Variants in LRRC63 observed in about 807,000 individuals in gnomAD.
The protein encoded by LRRC63 is leucine rich repeat containing 63, also known as leucine-rich repeat-containing protein 63.
A neutral mutation model predicts 49.5 loss-of-function variants in LRRC63; 40 were observed. The ratio of observed to expected loss-of-function variants is 0.81; its 90% CI spans 0.63 to 1.05. The LOEUF is 1.05. Among genes scored for constraint, LRRC63 ranks in the 50% least tolerant of loss-of-function variants. The probability of loss-of-function intolerance (pLI) is 0.00; values close to 1 mark genes in which losing one functional copy is unlikely to be tolerated. For missense variants in LRRC63, 636 were observed against 663.1 expected, an observed-to-expected ratio of 0.96 and a Z score of 0.45; for synonymous variants, 191 against 221.1, an observed-to-expected ratio of 0.86 and a Z score of 1.21.
At chr13:46,270,570 G>T (rs759737321) in intron 9 of LRRC63, 12 of 870,886 alleles carry the variant, frequency 1.4e-5, no homozygotes, top group South Asian at 1.3e-4. Flanking sequence ...ACACAAAAAC[G>T]GTATGAAGAA....
chr13:46,263,819 A>G (rs2047646859), intron 8 of LRRC63, among the ~76,000 whole-genome samples: 2 of 152,068 alleles, frequency 1.3e-5, no homozygotes, highest in Admixed American at 1.3e-4. Flanking sequence ...TTCTCCTTTT[A>G]TATTTATCTG....
chr13:46,276,883 C>CAT (rs373729829), exon 10 of LRRC63: 3,127 of 119,392 alleles, frequency 0.026, 136 homozygotes, highest in African/African-American at 0.097. Flanking sequence ...TATATATATT[C>CAT]ATATATATAT....
At chr13:46,236,950 C>T (rs1231635845) in intron 5 of LRRC63, among the ~76,000 whole-genome samples, 1 of 151,988 alleles carries the variant, frequency 6.6e-6, no homozygotes, top group African/African-American at 2.4e-5. Context: ...ATTTTGTGTG[C>T]CATTGGAGTT....
intron 5 of LRRC63, among the ~76,000 whole-genome samples, chr13:46,234,677 A>G (rs1017259494): frequency 3.3e-5 from 5 of 152,204 alleles, no homozygotes; most frequent in African/African-American, 7.2e-5. Context: ...TTCACTGAAC[A>G]CAAGCTCAAT....
At position 46,227,973 on chromosome 13, in the gene LRRC63, G is replaced by T; in HGVS notation, c.547G>T (p.Glu183Ter). 6.4e-7 allele frequency: 1 copy of T among 1,550,866 alleles called. No individual in the cohort carries two copies. Among genetic ancestry groups the T allele is most frequent in the South Asian group, 1.2e-5 (1 of 84,040 alleles). ...GCACCCTAAGCATCAACCTTTACCA[G>T]AGAGTCCAGGCTATACTTATCAGCA... The change falls in exon 3 of 10, where the codon GAG (glutamate) becomes TAG (stop). Residue 183 changes from glutamate to a stop codon, truncating the protein, a stop_gained. Coordinates refer to ENST00000595396, the Ensembl canonical transcript of LRRC63. LOFTEE classifies it high-confidence loss of function.
chr13:46,258,124 C>CTTTTT (rs61630248), intron 7 of LRRC63, among the ~76,000 whole-genome samples: 3 of 100,580 alleles, frequency 3.0e-5, no homozygotes, highest in Admixed American at 1.1e-4. Flanking sequence ...GTGACCTACT[C>CTTTTT]TTTTTTTTTT....
intron 7 of LRRC63, among the ~76,000 whole-genome samples, chr13:46,251,018 G>C (rs547620113): frequency 6.6e-6 from 1 of 151,912 alleles, no homozygotes. Context: ...TTCTTCCCAC[G>C]TATGGACTAG....
intron 9 of LRRC63, 134 bp downstream of exon 9, chr13:46,267,106 T>C (rs2047694285): frequency 3.6e-6 from 3 of 835,284 alleles, no homozygotes; most frequent in Non-Finnish European, 5.3e-6. Flanking sequence ...TACACACAAT[T>C]CTTCAAATCG....
chr13:46,259,840 G>A (rs2035251010), intron 7 of LRRC63, among the ~76,000 whole-genome samples: 1 of 152,144 alleles, frequency 6.6e-6, no homozygotes, highest in South Asian at 2.1e-4. Flanking sequence ...ATTTATATCA[G>A]TGTGGTGGTC....
chr13:46,255,643 C>CAAAAAA lies in LRRC63; in HGVS notation c.1226+5155_1226+5156insAAAAAA, dbSNP rs1445296831. Among the ~76,000 whole-genome samples the CAAAAAA allele has an allele frequency of 1.2e-3, 114 of 95,668 alleles. 3 individuals carry two copies. Among genetic ancestry groups the CAAAAAA allele is most frequent in the African/African-American group, 6.7e-3 (108 of 16,162 alleles). 62.8% of individuals were successfully genotyped at this position (95,668 alleles called of 152,430 possible). On this transcript the variant is annotated intron_variant, in intron 7 of 9. Transcript: ENST00000595396. ...TGGGCAACAGAGTAAGACCCTGCCT[C>CAAAAAA]AAATATATATATATATATATATAGT...
At chr13:46,230,590 C>G (rs2046721933) in intron 4 of LRRC63, among the ~76,000 whole-genome samples, 1 of 152,168 alleles carries the variant, frequency 6.6e-6, no homozygotes, top group African/African-American at 2.4e-5. Context: ...GTCTGATATT[C>G]TATGGGAGGG....
chr13:46,239,273 A>G (rs2046989018), intron 5 of LRRC63, among the ~76,000 whole-genome samples: 1 of 149,132 alleles, frequency 6.7e-6, no homozygotes, highest in South Asian at 2.1e-4. Context: ...GAGAAAATCC[A>G]AATAAACACA....
chr13:46,260,825 G>C (rs1395847202), intron 7 of LRRC63, among the ~76,000 whole-genome samples: 1 of 152,198 alleles, frequency 6.6e-6, no homozygotes, highest in East Asian at 1.9e-4. Flanking sequence ...AGGCAAGCTG[G>C]ACAAGTAGCA....
chr13:46,273,288 T>C (rs1462473884), intron 9 of LRRC63, among the ~76,000 whole-genome samples: 3 of 152,004 alleles, frequency 2.0e-5, no homozygotes, highest in African/African-American at 7.2e-5. Context: ...AAAATAAATA[T>C]TCAGCCAGAA....
At chr13:46,254,640 G>A (rs2047463904) in intron 7 of LRRC63, among the ~76,000 whole-genome samples, 1 of 152,320 alleles carries the variant, frequency 6.6e-6, no homozygotes, top group Admixed American at 6.5e-5. Flanking sequence ...TTGAGAGCAA[G>A]AAGAATAATG....
At chr13:46,253,206 A>G (rs2047428970) in intron 7 of LRRC63, among the ~76,000 whole-genome samples, 1 of 152,014 alleles carries the variant, frequency 6.6e-6, no homozygotes, top group Non-Finnish European at 1.5e-5. Context: ...AGGAACAGAA[A>G]AGTCAAAGTA....
At chr13:46,228,624 C>A in intron 3 of LRRC63, 41 bp from the exon 4 acceptor site, 2 of 1,213,262 alleles carry the variant, frequency 1.6e-6, no homozygotes, top group Non-Finnish European at 2.4e-6. Context: ...TGAATTTTTA[C>A]AAATATCCAA....
chr13:46,225,018 T>G (rs949243973), intron 2 of LRRC63, among the ~76,000 whole-genome samples: 4 of 152,182 alleles, frequency 2.6e-5, no homozygotes, highest in African/African-American at 9.7e-5. Flanking sequence ...GGCCGGTTCC[T>G]GGGCCTTAGG....
intron 2 of LRRC63, among the ~76,000 whole-genome samples, chr13:46,223,764 G>A (rs1224833233): frequency 6.6e-6 from 1 of 152,158 alleles, no homozygotes; most frequent in Non-Finnish European, 1.5e-5. Context: ...GCTGAGGCAG[G>A]AGAATCGCTT....
Sources: gnomAD v4.1 joint callset for allele counts (sites outside exome capture counted in the v4.1 genomes callset) on GRCh38, gnomAD v4.1.1 for gene constraint, MANE v1.5 for transcripts, NCBI Gene and HGNC (gene_info 2026-07-23, HGNC 2026-07-21) for gene names.